KCNIP4: variants seen among roughly 807,000 people sequenced by gnomAD.
KCNIP4 encodes the protein Kv channel-interacting protein 4.
A neutral mutation model predicts 34.0 loss-of-function variants in KCNIP4; 12 were observed. The ratio of observed to expected loss-of-function variants is 0.35; its 90% CI spans 0.23 to 0.57. The LOEUF is 0.57. KCNIP4 is among the 20% of genes least tolerant of loss of function. The pLI, the probability that KCNIP4 is intolerant of heterozygous loss-of-function variation, is 0.83. For synonymous variants in KCNIP4, 124 were observed against 102.2 expected (o/e 1.21, Z -1.29); for missense variants, 238 against 311.7 (o/e 0.76, Z 1.78).
chr4:21,476,300 A>G (rs1730965439), intron 1 of KCNIP4, among the ~76,000 whole-genome samples: 2 of 152,200 alleles, frequency 1.3e-5, no homozygotes, highest in Admixed American at 6.5e-5. Context: ...TATCTCTGCT[A>G]TGAATTAAAT....
At chr4:21,684,274 G>T (rs1167284168) in intron 1 of KCNIP4, among the ~76,000 whole-genome samples, 2 of 152,096 alleles carry the variant, frequency 1.3e-5, no homozygotes, top group Non-Finnish European at 2.9e-5. Context: ...CATTTCCCAT[G>T]ACTACTTTTC....
intron 1 of KCNIP4, among the ~76,000 whole-genome samples, chr4:21,873,294 G>A (rs998600925): frequency 4.6e-5 from 7 of 152,146 alleles, no homozygotes; most frequent in Non-Finnish European, 8.8e-5. Context: ...AAACCTAAAT[G>A]ATACAATGCA....
At chr4:20,964,020 C>T (rs1378647777) in intron 1 of KCNIP4, among the ~76,000 whole-genome samples, 2 of 152,126 alleles carry the variant, frequency 1.3e-5, no homozygotes, top group Non-Finnish European at 2.9e-5. Flanking sequence ...TTATTATACT[C>T]TAAGTATAAA....
intron 3 of KCNIP4, among the ~76,000 whole-genome samples, chr4:20,776,330 C>T (rs1756365235): frequency 6.6e-6 from 1 of 151,860 alleles, no homozygotes; most frequent in Non-Finnish European, 1.5e-5. Flanking sequence ...CCTGGTTTAC[C>T]AGTTGTTAAC....
intron 1 of KCNIP4, among the ~76,000 whole-genome samples, chr4:21,520,638 G>A (rs1735442252): frequency 6.6e-6 from 1 of 152,110 alleles, no homozygotes; most frequent in African/African-American, 2.4e-5. Flanking sequence ...CCCTGAGTAA[G>A]CAATGTGTTA....
chr4:21,885,833 A>G (rs954919381), intron 1 of KCNIP4, among the ~76,000 whole-genome samples: 2 of 152,158 alleles, frequency 1.3e-5, no homozygotes, highest in African/African-American at 4.8e-5. Context: ...CATCCTGATG[A>G]TCACATGAAG....
At chr4:21,805,786 G>A (rs1721255344) in intron 1 of KCNIP4, among the ~76,000 whole-genome samples, 1 of 152,150 alleles carries the variant, frequency 6.6e-6, no homozygotes, top group Admixed American at 6.6e-5. Flanking sequence ...GCCCTGGCCA[G>A]TAAGCAAGTT....
intron 2 of KCNIP4, among the ~76,000 whole-genome samples, chr4:20,857,370 G>C (rs1721709970): frequency 1.3e-5 from 2 of 152,168 alleles, no homozygotes; most frequent in South Asian, 4.1e-4. Context: ...TTTTAACCCA[G>C]TGCCTAACAT....
chr4:21,509,815 C>T (rs1183702286), intron 1 of KCNIP4, among the ~76,000 whole-genome samples: 1 of 152,054 alleles, frequency 6.6e-6, no homozygotes, highest in East Asian at 1.9e-4. Flanking sequence ...TATCCCCTGT[C>T]TTTAAGAACG....
At chr4:21,668,488 C>T (rs749355867) in intron 1 of KCNIP4, among the ~76,000 whole-genome samples, 10 of 152,150 alleles carry the variant, frequency 6.6e-5, no homozygotes, top group East Asian at 1.9e-4. Context: ...TCATTAAAAG[C>T]GGGTATAAAA....
At chr4:20,760,101 C>G (rs1040136511) in intron 3 of KCNIP4, among the ~76,000 whole-genome samples, 1 of 152,148 alleles carries the variant, frequency 6.6e-6, no homozygotes, top group Non-Finnish European at 1.5e-5. Context: ...CACACACTTC[C>G]AACTAGTGTT....
Position 21,072,130 on chromosome 4 carries a change from T to C in KCNIP4, c.62-189421A>G, listed in dbSNP as rs550348912. On this transcript the variant is annotated intron_variant, in intron 1 of 8. Coordinates refer to ENST00000382152, the MANE Select transcript of KCNIP4 (RefSeq NM_025221.6). ...GTGGGCATGTGTCTTTATAACAACA[T>C]GATTTATAATCCTTTGGGTATATAC... Among the ~76,000 whole-genome samples, 62 of 152,364 alleles carry C rather than the reference T, an allele frequency of 4.1e-4. 1 individual carries two copies. Among genetic ancestry groups the C allele is most frequent in the African/African-American group, 1.1e-3 (44 of 41,588 alleles).
intron 3 of KCNIP4, among the ~76,000 whole-genome samples, chr4:20,760,051 C>T (rs746811154): frequency 2.0e-5 from 3 of 152,092 alleles, no homozygotes; most frequent in African/African-American, 2.4e-5. Flanking sequence ...TTCAGAGGGG[C>T]GACTATATTT....
At chr4:21,857,228 C>G (rs149575273) in intron 1 of KCNIP4, among the ~76,000 whole-genome samples, 2 of 152,330 alleles carry the variant, frequency 1.3e-5, no homozygotes, top group East Asian at 3.9e-4. Context: ...CCCCAGAACT[C>G]AGCCAGATTC....
Position 21,202,890 on chromosome 4 carries a change from G to A in KCNIP4, c.62-320181C>T, listed in dbSNP as rs533267882. On this transcript the variant is annotated intron_variant, in intron 1 of 8. Transcript: ENST00000382152. ...GCCTCACATTTGTTGGCCACAATAG[G>A]AATATATACAGAGGCTCTTGGCCCA... is the stretch of plus-strand genomic sequence containing the variant. Among the ~76,000 whole-genome samples, 6 of 152,252 alleles carry A rather than the reference G, an allele frequency of 3.9e-5. No homozygotes were observed. The South Asian group carries it at 1.2e-3, about 32-fold the overall frequency.
At chr4:21,446,891 T>C (rs1322191233) in intron 1 of KCNIP4, among the ~76,000 whole-genome samples, 4 of 152,154 alleles carry the variant, frequency 2.6e-5, no homozygotes, top group Admixed American at 1.3e-4. Flanking sequence ...TAATACATTC[T>C]ATTGTATGGC....
intron 1 of KCNIP4, among the ~76,000 whole-genome samples, chr4:20,959,665 C>A (rs1404152174): frequency 6.6e-6 from 1 of 152,182 alleles, no homozygotes; most frequent in Non-Finnish European, 1.5e-5. Flanking sequence ...GTTTTAATTA[C>A]ACCACTATCA....
chr4:20,930,334 T>G (rs1730329262), intron 1 of KCNIP4, among the ~76,000 whole-genome samples: 1 of 151,956 alleles, frequency 6.6e-6, no homozygotes, highest in Non-Finnish European at 1.5e-5. Context: ...TGGACCCTAA[T>G]CTTGCACCAT....
At chr4:21,941,186 T>A (rs1218666460) in intron 1 of KCNIP4, among the ~76,000 whole-genome samples, 2 of 152,146 alleles carry the variant, frequency 1.3e-5, no homozygotes, top group African/African-American at 2.4e-5. Flanking sequence ...ATCATGAAAC[T>A]CATGAAGACA....
Sources: gnomAD v4.1 joint callset for allele counts (sites outside exome capture counted in the v4.1 genomes callset) on GRCh38, gnomAD v4.1.1 for gene constraint, MANE v1.5 for transcripts, NCBI Gene and HGNC (gene_info 2026-07-23, HGNC 2026-07-21) for gene names.